Variants in PCDH11X observed in about 807,000 individuals in gnomAD.
The protein encoded by PCDH11X is protocadherin 11 X-linked, also known as protocadherin-11 X-linked.
Under a neutral mutation model 53.3 loss-of-function variants are expected in PCDH11X, and 18 were observed. The ratio of observed to expected loss-of-function variants is 0.34; its 90% CI spans 0.23 to 0.50. The LOEUF (loss-of-function observed/expected upper bound fraction) is 0.50, where lower values mean the gene tolerates loss of function less well. Ranked by LOEUF, PCDH11X falls within the 20% of genes least tolerant of loss-of-function variation. The probability of loss-of-function intolerance (pLI) is 0.98; values close to 1 mark genes in which losing one functional copy is unlikely to be tolerated. For missense variants in PCDH11X, 570 were observed against 1,032.4 expected (o/e 0.55, Z 6.14); for synonymous variants, 279 against 393.3 (o/e 0.71, Z 3.44).
intron 8 of PCDH11X, among the ~76,000 whole-genome samples, chrX:92,327,207 CTT>C (rs2069357810): frequency 9.2e-6 from 1 of 108,246 alleles, no homozygotes; most frequent in African/African-American, 3.4e-5. Context: ...AATAAAAAAC[CTT>C]GTGTTAATCA....
intron 6 of PCDH11X, among the ~76,000 whole-genome samples, chrX:92,122,380 T>C (rs184194499): frequency 1.8e-5 from 2 of 111,561 alleles, no homozygotes; most frequent in East Asian, 5.7e-4. Context: ...GGAAACAAGG[T>C]TTGAAATTAT....
At chrX:91,895,941 TATGTATATTATGTACGTGTATGTAATAC>T (rs1438172467) in intron 6 of PCDH11X, among the ~76,000 whole-genome samples, 3 of 101,471 alleles carry the variant, frequency 3.0e-5, no homozygotes, top group Non-Finnish European at 5.9e-5. Context: ...TATATGTATA[TATGTATATTATGTACGTGTATGTAATAC>T]ACGTACATAG....
chrX:91,828,422 A>G (rs1478178117), intron 4 of PCDH11X, among the ~76,000 whole-genome samples: 9 of 111,685 alleles, frequency 8.1e-5, no homozygotes, highest in African/African-American at 2.6e-4. Flanking sequence ...GTGTATCACA[A>G]CTGAAGATTC....
intron 8 of PCDH11X, among the ~76,000 whole-genome samples, chrX:92,269,375 T>G (rs6618935): frequency 0.13 from 14,503 of 111,560 alleles, 1,513 homozygotes; most frequent in East Asian, 0.47. Context: ...TACACATTAA[T>G]AGTACTAAGT....
chrX:92,415,707 T>A (rs981615279), intron 9 of PCDH11X, among the ~76,000 whole-genome samples: 5 of 111,287 alleles, frequency 4.5e-5, no homozygotes, highest in African/African-American at 1.6e-4. Flanking sequence ...ATTTGTTGTG[T>A]TTATAACTAC....
At chrX:92,254,798 G>A (rs2148402883) in intron 7 of PCDH11X, among the ~76,000 whole-genome samples, 1 of 110,020 alleles carries the variant, frequency 9.1e-6, no homozygotes, top group Non-Finnish European at 1.9e-5. Context: ...TAGGGTTTCT[G>A]CTGAGAGATC....
rs1345544386 is a variant in PCDH11X, at chrX:92,493,986, T to C, written c.3367+25664T>C. Among the ~76,000 whole-genome samples, 7 of 109,386 alleles carry C rather than the reference T, an allele frequency of 6.4e-5. No homozygotes were observed. The Admixed American group carries it at 6.9e-4, about 11-fold the overall frequency. The allele number at this position is 109,386 out of a possible 115,157, so 95.0% of individuals were successfully genotyped here. ...TATATCCCTCTCTTGCCAACAGGTT[T>C]TTTTTTTTTTAAGGTTATTTTCTTT... On this transcript the variant is annotated intron_variant, in intron 10 of 10. Coordinates refer to ENST00000682573, the MANE Select transcript of PCDH11X (RefSeq NM_032968.5).
chrX:92,449,902 G>A (rs559264632), intron 9 of PCDH11X, among the ~76,000 whole-genome samples: 5 of 111,138 alleles, frequency 4.5e-5, no homozygotes, highest in African/African-American at 1.6e-4. Context: ...AGACCCCCTG[G>A]CACATGGTAG....
intron 10 of PCDH11X, among the ~76,000 whole-genome samples, chrX:92,591,522 TCAAGCCAGCCCTGCA>T (rs1224599182): frequency 9.0e-6 from 1 of 111,529 alleles, no homozygotes; most frequent in Non-Finnish European, 1.9e-5. Context: ...AGCTTGCTAC[TCAAGCCAGCCCTGCA>T]GGTTGGTCAG....
At chrX:91,871,119 A>T (rs1939279378) in intron 5 of PCDH11X, among the ~76,000 whole-genome samples, 1 of 109,625 alleles carries the variant, frequency 9.1e-6, no homozygotes, top group African/African-American at 3.4e-5. Context: ...AGTTTTAGAC[A>T]GCCTATAGCA....
chrX:92,055,401 C>A (rs1268426426), intron 6 of PCDH11X, among the ~76,000 whole-genome samples: 4 of 72,028 alleles, frequency 5.6e-5, no homozygotes, highest in Non-Finnish European at 1.0e-4. Context: ...GGCAAAGTTG[C>A]CTGTAGGAGA....
intron 6 of PCDH11X, among the ~76,000 whole-genome samples, chrX:92,041,827 G>C (rs1307638080): frequency 9.0e-6 from 1 of 111,168 alleles, no homozygotes; most frequent in African/African-American, 3.3e-5. Context: ...AAGTTAGCCG[G>C]GTTTGGTGGC....
chrX:92,612,902 C>T (rs1437955567), intron 10 of PCDH11X, among the ~76,000 whole-genome samples: 9 of 109,263 alleles, frequency 8.2e-5, no homozygotes, highest in Non-Finnish European at 1.5e-4. Context: ...TTGCTTTAAA[C>T]TCTGTTTTAT....
At chrX:92,260,756 C>A (rs2067698772) in intron 7 of PCDH11X, among the ~76,000 whole-genome samples, 2 of 111,613 alleles carry the variant, frequency 1.8e-5, no homozygotes, top group African/African-American at 6.5e-5. Context: ...ATAGCTCTGT[C>A]AATCTAGAAA....
chrX:92,261,599 A>T (rs1035438864), intron 7 of PCDH11X, among the ~76,000 whole-genome samples: 2 of 111,513 alleles, frequency 1.8e-5, no homozygotes, highest in Admixed American at 1.9e-4. Context: ...ATCTAACATT[A>T]ATCTATTGTG....
Position 92,098,293 on chromosome X carries a change from G to A in PCDH11X, c.3034-103082G>A, listed in dbSNP as rs1167976545. 1.3e-4 allele frequency among the ~76,000 whole-genome samples: 15 copies of A among 111,466 alleles called. 1 individual carries two copies. Among genetic ancestry groups the A allele is most frequent in the Admixed American group, 1.2e-3 (12 of 10,404 alleles). On this transcript the variant is annotated intron_variant, in intron 6 of 10. Coordinates refer to ENST00000682573, the MANE Select transcript of PCDH11X (RefSeq NM_032968.5). The stretch of plus-strand genomic sequence containing the variant: ...AGCCCAAGAACTAATTAAGGTGGAG[G>A]TAGATTCAACTCCAATGATAGGTAA...
intron 6 of PCDH11X, among the ~76,000 whole-genome samples, chrX:92,184,036 G>A (rs1243887505): frequency 9.0e-6 from 1 of 111,127 alleles, no homozygotes; most frequent in Non-Finnish European, 1.9e-5. Flanking sequence ...TCTCAGGCGG[G>A]CAGTTTTTAA....
At position 92,108,095 on chromosome X, in the gene PCDH11X, T is replaced by C. The variant is rs772580039; in HGVS notation, c.3034-93280T>C. ...GGATCCTTGGATATTATTTAGTTTT[T>C]AGACATCATGTAGTCCAAGATCTGT... On this transcript the variant is annotated intron_variant, in intron 6 of 10. Transcript: ENST00000682573. 8.9e-5 allele frequency among the ~76,000 whole-genome samples: 10 copies of C among 112,458 alleles called. No homozygotes were observed. The South Asian group carries it at 3.3e-3, about 37-fold the overall frequency.
rs138016926 is a variant in PCDH11X at position 92,286,032 on chromosome X, G to A, written c.3144+22889G>A. On this transcript the variant is annotated intron_variant, in intron 8 of 10. Coordinates refer to ENST00000682573, the MANE Select transcript of PCDH11X (RefSeq NM_032968.5). ...TAGGAACACCTTTAAGTGGTTTTCCGCCCCGGGTGGGCCAGGTGTTTCTTG... is the reference window on the plus strand; with the variant it reads ...TAGGAACACCTTTAAGTGGTTTTCCACCCCGGGTGGGCCAGGTGTTTCTTG... Among the ~76,000 whole-genome samples the A allele has an allele frequency of 2.7e-4, 30 of 112,127 alleles. 1 individual carries two copies. The highest frequency in any genetic ancestry group is 9.1e-4 in the African/African-American group (28 of 30,849).
Sources: allele counts gnomAD v4.1 joint callset (sites outside exome capture counted in the v4.1 genomes callset), GRCh38; gene constraint gnomAD v4.1.1; transcripts MANE v1.5; gene names NCBI Gene and HGNC (gene_info 2026-07-23, HGNC 2026-07-21).